CAPZA1: variants seen among roughly 807,000 people sequenced by gnomAD.
CAPZA1 encodes F-actin-capping protein subunit alpha-1.
A neutral mutation model predicts 40.8 loss-of-function variants in CAPZA1; 10 were observed. That is an observed-to-expected ratio of 0.25 (90% CI 0.15 to 0.42). The LOEUF is 0.42. CAPZA1 is among the 10% of genes least tolerant of loss of function. The probability of loss-of-function intolerance (pLI) is 1.00; values close to 1 mark genes in which losing one functional copy is unlikely to be tolerated. For synonymous variants in CAPZA1, 98 were observed against 115.0 expected (o/e 0.85, Z 0.95); for missense variants, 277 against 353.8 (o/e 0.78, Z 1.74).
At chr1:112,649,499 G>A in intron 3 of CAPZA1, 30 bp downstream of exon 3, 9 of 1,537,686 alleles carry the variant, frequency 5.9e-6, no homozygotes, top group Non-Finnish European at 7.2e-6. Flanking sequence ...CACTTAGAAT[G>A]TTACTCTAAC....
At chr1:112,643,119 G>A (rs549223421) in intron 1 of CAPZA1, among the ~76,000 whole-genome samples, 3 of 152,120 alleles carry the variant, frequency 2.0e-5, no homozygotes, top group Non-Finnish European at 2.9e-5. Flanking sequence ...ATTATTAAAA[G>A]TAGGATTACT....
chr1:112,644,598 C>T (rs1345379861), intron 1 of CAPZA1, among the ~76,000 whole-genome samples: 1 of 152,034 alleles, frequency 6.6e-6, no homozygotes, highest in Admixed American at 6.6e-5. Flanking sequence ...AATAAGTCAA[C>T]AGAGGATAAC....
chr1:112,636,812 C>G (rs572428582), intron 1 of CAPZA1, among the ~76,000 whole-genome samples: 1 of 152,292 alleles, frequency 6.6e-6, no homozygotes, highest in East Asian at 1.9e-4. Flanking sequence ...TGTATTGTAG[C>G]AAAGATATTT....
At chr1:112,629,255 C>G (rs1326161210) in intron 1 of CAPZA1, among the ~76,000 whole-genome samples, 1 of 152,156 alleles carries the variant, frequency 6.6e-6, no homozygotes, top group Non-Finnish European at 1.5e-5. Flanking sequence ...GAGTTCTTTT[C>G]CTTCTGTATC....
intron 1 of CAPZA1, among the ~76,000 whole-genome samples, chr1:112,632,254 G>A (rs1248264278): frequency 3.9e-5 from 6 of 152,118 alleles, no homozygotes; most frequent in Middle Eastern, 3.2e-3. Context: ...GTTGCAGTGC[G>A]CCAACATCAC....
At chr1:112,659,612 CT>C (rs924960919) in intron 6 of CAPZA1, 88 bp from the exon 7 acceptor site, 1 of 978,090 alleles carries the variant, frequency 1.0e-6, no homozygotes, top group Non-Finnish European at 1.6e-6. Context: ...TTTTGCACCC[CT>C]CTTTCCCAAC....
intron 8 of CAPZA1, among the ~76,000 whole-genome samples, chr1:112,669,332 G>A (rs1337999682): frequency 2.0e-5 from 3 of 152,262 alleles, no homozygotes; most frequent in Non-Finnish European, 4.4e-5. Context: ...AGAGGATTCT[G>A]TTTTCTCATC....
chr1:112,625,509 G>A (rs1162770887), intron 1 of CAPZA1, among the ~76,000 whole-genome samples: 1 of 152,208 alleles, frequency 6.6e-6, no homozygotes, highest in South Asian at 2.1e-4. Context: ...GGAGAAAACA[G>A]CACTCACTCT....
intron 3 of CAPZA1, among the ~76,000 whole-genome samples, chr1:112,650,896 T>TA (rs1163253118): frequency 2.6e-5 from 4 of 152,248 alleles, no homozygotes; most frequent in Non-Finnish European, 4.4e-5. Context: ...GCACTGACAC[T>TA]AAAGCTTTGT....
chr1:112,669,854 A>G, intron 9 of CAPZA1, 138 bp from the exon 10 acceptor site: 3 of 934,018 alleles, frequency 3.2e-6, no homozygotes, highest in Non-Finnish European at 4.9e-6. Context: ...GAGATTGGAG[A>G]GGAGCTCATT....
chr1:112,625,216 T>A (rs1364753841), intron 1 of CAPZA1, among the ~76,000 whole-genome samples: 1 of 152,210 alleles, frequency 6.6e-6, no homozygotes, highest in African/African-American at 2.4e-5. Flanking sequence ...GCCATGCCAC[T>A]GCTGGGAACA....
At chr1:112,655,636 C>T (rs993597344) in intron 5 of CAPZA1, among the ~76,000 whole-genome samples, 3 of 152,102 alleles carry the variant, frequency 2.0e-5, no homozygotes, top group African/African-American at 7.2e-5. Context: ...CGTGTCAGCT[C>T]AATGTCACCT....
intron 5 of CAPZA1, among the ~76,000 whole-genome samples, chr1:112,655,719 C>T (rs1209312322): frequency 6.6e-6 from 1 of 151,964 alleles, no homozygotes; most frequent in Non-Finnish European, 1.5e-5. Context: ...CCCACCACCA[C>T]ACCTGGCTAA....
At chr1:112,653,703 A>G in intron 4 of CAPZA1, 42 bp downstream of exon 4, 1 of 1,312,420 alleles carries the variant, frequency 7.6e-7, no homozygotes, top group Non-Finnish European at 1.1e-6. Context: ...GGCAGATAGT[A>G]GAGATCCTAT....
At chr1:112,620,359 A>C (rs1670589336) in intron 1 of CAPZA1, 1 of 153,492 alleles carries the variant, frequency 6.5e-6, no homozygotes, top group South Asian at 1.8e-4. Flanking sequence ...CTCCTTCCTC[A>C]GGAAGTGATT....
intron 5 of CAPZA1, among the ~76,000 whole-genome samples, chr1:112,656,863 T>G (rs1312395440): frequency 1.3e-5 from 2 of 152,066 alleles, no homozygotes; most frequent in Non-Finnish European, 2.9e-5. Flanking sequence ...GACAGGCATC[T>G]AATCCCCCAT....
At chr1:112,632,792 T>C (rs1033227749) in intron 1 of CAPZA1, among the ~76,000 whole-genome samples, 2 of 152,260 alleles carry the variant, frequency 1.3e-5, no homozygotes, top group African/African-American at 4.8e-5. Flanking sequence ...TACCTACTTA[T>C]GTCTAATAAA....
chr1:112,659,456 G>GA, intron 6 of CAPZA1: 1 of 535,654 alleles, frequency 1.9e-6, no homozygotes, highest in South Asian at 2.7e-5. Context: ...CATTTCAAGG[G>GA]AAAAAAGGAA....
At chr1:112,640,242 C>T (rs1671121339) in intron 1 of CAPZA1, among the ~76,000 whole-genome samples, 1 of 128,540 alleles carries the variant, frequency 7.8e-6, no homozygotes, top group Non-Finnish European at 1.7e-5. Context: ...TGAGGGGCGC[C>T]TCTGCCCGGC....
Sources: allele counts gnomAD v4.1 joint callset (sites outside exome capture counted in the v4.1 genomes callset), GRCh38; gene constraint gnomAD v4.1.1; transcripts MANE v1.5; gene names NCBI Gene and HGNC (gene_info 2026-07-23, HGNC 2026-07-21).